RAB27A: variants seen among roughly 807,000 people sequenced by gnomAD.
RAB27A encodes RAB27A, member RAS oncogene family, also known as ras-related protein Rab-27A.
In RAB27A, 17 loss-of-function variants were observed where a neutral mutation model predicts 20.8. The observed-to-expected ratio is 0.82, with a 90% CI of 0.56 to 1.23. The LOEUF (loss-of-function observed/expected upper bound fraction) is 1.23. Among genes scored for constraint, RAB27A ranks in the 50% most tolerant of loss-of-function variants. The pLI is 0.00. For synonymous variants in RAB27A, 85 were observed against 92.8 expected, an observed-to-expected ratio of 0.92 and a Z score of 0.48; for missense variants, 277 against 266.7, an observed-to-expected ratio of 1.04 and a Z score of -0.27.
At chr15:55,269,868 C>G (rs1338021245) in intron 2 of RAB27A, 1 of 152,170 alleles carries the variant, frequency 6.6e-6, no homozygotes, top group African/African-American at 2.4e-5. Flanking sequence ...AATTCAATTT[C>G]CTAATCAGCT....
intron 1 of RAB27A, among the ~76,000 whole-genome samples, chr15:55,316,252 AAG>A (rs1393983606): frequency 1.3e-5 from 2 of 151,888 alleles, no homozygotes; most frequent in Non-Finnish European, 2.9e-5. Context: ...AAAAAAAAAA[AAG>A]AATTTATGTA....
At chr15:55,305,179 C>G (rs374698854) in intron 2 of RAB27A, among the ~76,000 whole-genome samples, 1 of 152,122 alleles carries the variant, frequency 6.6e-6, no homozygotes, top group East Asian at 1.9e-4. Context: ...CTTAGTCAGC[C>G]TAGGAAATCC....
chr15:55,300,436 T>C (rs981364991), intron 2 of RAB27A, among the ~76,000 whole-genome samples: 1 of 151,998 alleles, frequency 6.6e-6, no homozygotes, highest in African/African-American at 2.4e-5. Context: ...TTTCAGCACT[T>C]TGGGAGGCTG....
chr15:55,256,384 A>G (rs1373784319), intron 2 of RAB27A, among the ~76,000 whole-genome samples: 2 of 152,232 alleles, frequency 1.3e-5, no homozygotes, highest in Non-Finnish European at 2.9e-5. Context: ...ACCACACTCC[A>G]GCCTGGGTGA....
At chr15:55,253,843 G>A (rs1049243765) in intron 2 of RAB27A, among the ~76,000 whole-genome samples, 1 of 152,016 alleles carries the variant, frequency 6.6e-6, no homozygotes, top group African/African-American at 2.4e-5. Flanking sequence ...AGAGAACAAC[G>A]CAAGAGGATA....
intron 2 of RAB27A, among the ~76,000 whole-genome samples, chr15:55,302,995 AC>A (rs2054979966): frequency 7.9e-6 from 1 of 127,144 alleles, no homozygotes; most frequent in African/African-American, 3.3e-5. Flanking sequence ...GGGGGGGTCA[AC>A]CCCCCGCCCG....
At chr15:55,305,312 G>A (rs2054992253) in intron 2 of RAB27A, among the ~76,000 whole-genome samples, 1 of 152,218 alleles carries the variant, frequency 6.6e-6, no homozygotes, top group African/African-American at 2.4e-5. Context: ...GTGCAGTTGA[G>A]ATTTCCTCGG....
At chr15:55,278,217 T>G (rs1897925162) in intron 1 of RAB27A, among the ~76,000 whole-genome samples, 1 of 152,186 alleles carries the variant, frequency 6.6e-6, no homozygotes, top group Non-Finnish European at 1.5e-5. Context: ...CTAAAACATA[T>G]TAAAGAAATT....
At chr15:55,272,974 T>C (rs1238596590) in intron 1 of RAB27A, among the ~76,000 whole-genome samples, 1 of 152,098 alleles carries the variant, frequency 6.6e-6, no homozygotes, top group Non-Finnish European at 1.5e-5. Flanking sequence ...GGTCATCTGC[T>C]TAAAAAGCAG....
At chr15:55,276,779 T>C (rs901629224) in intron 1 of RAB27A, among the ~76,000 whole-genome samples, 2 of 152,108 alleles carry the variant, frequency 1.3e-5, no homozygotes, top group Non-Finnish European at 2.9e-5. Flanking sequence ...ATACTGAAAA[T>C]CTGCTAAGAA....
At chr15:55,309,293 A>AG (rs2055010423) in intron 2 of RAB27A, among the ~76,000 whole-genome samples, 1 of 152,206 alleles carries the variant, frequency 6.6e-6, no homozygotes, top group South Asian at 2.1e-4. Context: ...TTCCTCACTG[A>AG]GGGCCCTGGT....
chr15:55,223,847 A>G (rs766948395), intron 6 of RAB27A, 42 bp downstream of exon 6: 1 of 1,607,300 alleles, frequency 6.2e-7, no homozygotes, highest in Non-Finnish European at 8.5e-7. Flanking sequence ...TAATGTTTAT[A>G]TTGAAAATGT....
At chr15:55,269,620 G>C (rs1348455907) in intron 2 of RAB27A, among the ~76,000 whole-genome samples, 1 of 151,832 alleles carries the variant, frequency 6.6e-6, no homozygotes, top group African/African-American at 2.4e-5. Context: ...GGTAGCGTGG[G>C]GTCCCAGCTA....
chr15:55,253,723 G>A lies in RAB27A; in HGVS notation c.-23+16442C>T, dbSNP rs562183979. Among the ~76,000 whole-genome samples the A allele has an allele frequency of 6.0e-5, 9 of 149,738 alleles. No homozygotes were observed. In the East Asian group the frequency reaches 1.8e-3, roughly 29 times the overall value. ...AGCAGGCAAGAGGGTGACTCAGAAAGAACAAGAGCCTTGTTTAAAAAAAAA... is the reference window on the plus strand; with the variant it reads ...AGCAGGCAAGAGGGTGACTCAGAAAAAACAAGAGCCTTGTTTAAAAAAAAA... On this transcript the variant is annotated intron_variant, in intron 2 of 6. Coordinates refer to ENST00000336787, the MANE Select transcript of RAB27A (RefSeq NM_183235.3).
intron 2 of RAB27A, among the ~76,000 whole-genome samples, chr15:55,310,523 T>A (rs1566942001): frequency 6.6e-6 from 1 of 152,164 alleles, no homozygotes; most frequent in East Asian, 1.9e-4. Flanking sequence ...ATTTGGACAA[T>A]CTTTTTTAAA....
intron 6 of RAB27A, among the ~76,000 whole-genome samples, chr15:55,209,889 CAT>C (rs1230321163): frequency 0.024 from 2,480 of 103,132 alleles, 707 homozygotes; most frequent in African/African-American, 0.16. Context: ...TGTGTGTATA[CAT>C]ATATACACAT....
At position 55,217,797 on chromosome 15, in the gene RAB27A, G is replaced by GA. The variant is rs572023603; in HGVS notation, c.467+6091_467+6092insT. ...TGTAGCACCACCATGGAGCCGTATTGCCAAAGACGAAAAAATTCAGCACTG... is the reference window on the plus strand; with the variant it reads ...TGTAGCACCACCATGGAGCCGTATTGACCAAAGACGAAAAAATTCAGCACTG... On this transcript the variant is annotated intron_variant, in intron 6 of 6. Coordinates refer to ENST00000336787, the MANE Select transcript of RAB27A (RefSeq NM_183235.3). Among the ~76,000 whole-genome samples, 396 of 150,302 alleles carry GA rather than the reference G, an allele frequency of 2.6e-3. 5 individuals are homozygous for GA. The highest frequency in any genetic ancestry group is 9.3e-3 in the East Asian group (47 of 5,080).
At chr15:55,307,720 A>G (rs551283610) in intron 2 of RAB27A, among the ~76,000 whole-genome samples, 1 of 150,676 alleles carries the variant, frequency 6.6e-6, no homozygotes, top group East Asian at 2.0e-4. Context: ...TGATTTTGGC[A>G]TGTGGATAAA....
At chr15:55,283,905 G>C (rs895043601) in intron 1 of RAB27A, among the ~76,000 whole-genome samples, 8 of 152,160 alleles carry the variant, frequency 5.3e-5, no homozygotes, top group African/African-American at 1.9e-4. Context: ...CAGCAGATTA[G>C]TATTTAGCCA....
Sources: allele counts gnomAD v4.1 joint callset (sites outside exome capture counted in the v4.1 genomes callset), GRCh38; gene constraint gnomAD v4.1.1; transcripts MANE v1.5; gene names NCBI Gene and HGNC (gene_info 2026-07-23, HGNC 2026-07-21).